The following OR9Q1 variants were observed in gnomAD, a reference collection of about 807,000 sequenced individuals.
The protein encoded by OR9Q1 is olfactory receptor family 9 subfamily Q member 1, also known as olfactory receptor 9Q1.
For synonymous variants in OR9Q1, 153 were observed against 148.6 expected (o/e 1.03, Z -0.22); for missense variants, 374 against 378.8 (o/e 0.99, Z 0.11).
chr11:58,094,140 G>C (rs575733759), intron 2 of OR9Q1, among the ~76,000 whole-genome samples: 1 of 152,298 alleles, frequency 6.6e-6, no homozygotes, highest in Non-Finnish European at 1.5e-5. Context: ...GTCTTTTGCA[G>C]TGACATGGAT....
chr11:58,172,258 C>T (rs2514211), intron 2 of OR9Q1, among the ~76,000 whole-genome samples: 64,571 of 152,024 alleles, frequency 0.42, 13,911 homozygotes, highest in Admixed American at 0.47. Flanking sequence ...GGGATGTTGG[C>T]TATTCCTGTG....
intron 2 of OR9Q1, among the ~76,000 whole-genome samples, chr11:58,152,047 T>A (rs1194507740): frequency 1.3e-5 from 2 of 152,268 alleles, no homozygotes; most frequent in Middle Eastern, 3.4e-3. Flanking sequence ...GGAAATCCTC[T>A]CAGGCCAGGA....
At chr11:58,079,750 C>G (rs1385441473) in intron 2 of OR9Q1, among the ~76,000 whole-genome samples, 1 of 152,090 alleles carries the variant, frequency 6.6e-6, no homozygotes, top group Non-Finnish European at 1.5e-5. Context: ...CTCAGTTGTA[C>G]CAGATGAAGT....
At chr11:58,090,065 C>G (rs1853669589) in intron 2 of OR9Q1, among the ~76,000 whole-genome samples, 1 of 152,174 alleles carries the variant, frequency 6.6e-6, no homozygotes, top group Non-Finnish European at 1.5e-5. Flanking sequence ...ATGGGATTTT[C>G]TAAATATACA....
intron 2 of OR9Q1, among the ~76,000 whole-genome samples, chr11:58,086,595 G>A (rs1382332556): frequency 6.6e-6 from 1 of 151,680 alleles, no homozygotes; most frequent in Non-Finnish European, 1.5e-5. Context: ...GCTCAGATAT[G>A]GAAACAACCT....
chr11:58,047,972 A>C (rs968272220), intron 1 of OR9Q1, among the ~76,000 whole-genome samples: 1 of 152,194 alleles, frequency 6.6e-6, no homozygotes, highest in African/African-American at 2.4e-5. Flanking sequence ...ATCTCTGCAC[A>C]CTTTATGAAA....
chr11:58,060,392 A>T (rs1034827501), intron 2 of OR9Q1, among the ~76,000 whole-genome samples: 1 of 152,222 alleles, frequency 6.6e-6, no homozygotes, highest in Non-Finnish European at 1.5e-5. Flanking sequence ...AAGCAAAATA[A>T]CAAGAAAATC....
At chr11:58,146,678 T>C (rs1012452230) in intron 2 of OR9Q1, among the ~76,000 whole-genome samples, 4 of 152,150 alleles carry the variant, frequency 2.6e-5, no homozygotes, top group Non-Finnish European at 5.9e-5. Context: ...TCCAGCCTAA[T>C]TTGGTGTGGT....
In OR9Q1 at chr11:58,065,601, G is replaced by A. The variant is rs80010319; in HGVS notation, c.-15+9654G>A. 8.5e-5 allele frequency among the ~76,000 whole-genome samples: 13 copies of A among 152,300 alleles called. No homozygotes were observed. The East Asian group carries it at 2.5e-3, about 29-fold the overall frequency. On this transcript the variant is annotated intron_variant, in intron 2 of 2. Coordinates refer to ENST00000335397, the MANE Select transcript of OR9Q1 (RefSeq NM_001005212.4). Reference sequence around the variant, plus strand: ...ATTTGTGGGCTCATGTTGCTGACAAGGGTGGGTCTGGGGCTACCTTCTCTG... The same window carrying A: ...ATTTGTGGGCTCATGTTGCTGACAAAGGTGGGTCTGGGGCTACCTTCTCTG...
In OR9Q1 at chr11:58,080,643, C is replaced by A. The variant is rs562109483; in HGVS notation, c.-15+24696C>A. ...GCATTCCCTTTTTCCACAGCCTCAC[C>A]GGCATTTGTTGTTTTTTGACTTTTT... On this transcript the variant is annotated intron_variant, in intron 2 of 2. Transcript: ENST00000335397. 3.3e-5 allele frequency among the ~76,000 whole-genome samples: 5 copies of A among 152,114 alleles called. No homozygotes were observed. The East Asian group carries it at 9.6e-4, about 29-fold the overall frequency.
At chr11:58,123,806 A>G (rs1181573665) in intron 2 of OR9Q1, among the ~76,000 whole-genome samples, 1 of 152,174 alleles carries the variant, frequency 6.6e-6, no homozygotes, top group Non-Finnish European at 1.5e-5. Context: ...CTCTAAAACC[A>G]TTAGGCAAAT....
intron 2 of OR9Q1, among the ~76,000 whole-genome samples, chr11:58,138,909 C>T (rs1854214967): frequency 6.6e-6 from 1 of 151,994 alleles, no homozygotes; most frequent in African/African-American, 2.4e-5. Context: ...CCATCATGTC[C>T]CCATTTCACC....
intron 2 of OR9Q1, among the ~76,000 whole-genome samples, chr11:58,061,069 G>A (rs1469775685): frequency 6.6e-6 from 1 of 152,154 alleles, no homozygotes; most frequent in Non-Finnish European, 1.5e-5. Context: ...GAGTGCATGA[G>A]TGAATGCCTG....
intron 2 of OR9Q1, among the ~76,000 whole-genome samples, chr11:58,112,307 A>AT (rs1377070183): frequency 6.6e-6 from 1 of 152,094 alleles, no homozygotes; most frequent in Non-Finnish European, 1.5e-5. Flanking sequence ...AAAAAAAAAA[A>AT]GATTATAAAT....
At chr11:58,062,630 T>C (rs1444857696) in intron 2 of OR9Q1, among the ~76,000 whole-genome samples, 3 of 152,194 alleles carry the variant, frequency 2.0e-5, no homozygotes, top group African/African-American at 7.2e-5. Flanking sequence ...GGTCTAATAC[T>C]ACCTGCTGTG....
At chr11:58,037,696 T>A (rs12794511) in intron 1 of OR9Q1, among the ~76,000 whole-genome samples, 65 of 5,830 alleles carry the variant, frequency 0.011, 4 homozygotes, top group Non-Finnish European at 0.015. Flanking sequence ...TATATTTTTT[T>A]TTTTTTTTTT....
intron 2 of OR9Q1, chr11:58,125,596 C>T (rs545674555): frequency 6.6e-6 from 1 of 152,108 alleles, no homozygotes; most frequent in East Asian, 1.9e-4. Flanking sequence ...ATTTAAATTG[C>T]CTTTGGGGAT....
intron 2 of OR9Q1, chr11:58,119,145 C>A: frequency 1.9e-6 from 3 of 1,614,006 alleles, no homozygotes; most frequent in Middle Eastern, 3.3e-4. Flanking sequence ...ATAAAAAGAA[C>A]TGGGCAGCAC....
chr11:58,107,357 C>T (rs77640983), intron 2 of OR9Q1, among the ~76,000 whole-genome samples: 7 of 152,158 alleles, frequency 4.6e-5, no homozygotes, highest in South Asian at 2.1e-4. Context: ...TGAGAACATG[C>T]GGTGTTTGGT....
Sources: allele counts gnomAD v4.1 joint callset (sites outside exome capture counted in the v4.1 genomes callset), GRCh38; gene constraint gnomAD v4.1.1; transcripts MANE v1.5; gene names NCBI Gene and HGNC (gene_info 2026-07-23, HGNC 2026-07-21).